Variants in DKK3 observed in about 807,000 individuals in gnomAD.
DKK3 encodes the protein dickkopf-related protein 3.
DKK3 carries 22 observed loss-of-function variants against 33.2 expected under a neutral mutation model. The ratio of observed to expected loss-of-function variants is 0.66; its 90% confidence interval spans 0.47 to 0.95. The LOEUF (loss-of-function observed/expected upper bound fraction) is 0.95, where lower values mean the gene tolerates loss of function less well. Among genes scored for constraint, DKK3 ranks in the 40% least tolerant of loss-of-function variants. The probability of loss-of-function intolerance (pLI) is 0.00; values close to 1 mark genes in which losing one functional copy is unlikely to be tolerated. For missense variants in DKK3, 398 were observed against 458.4 expected (o/e 0.87, Z 1.20); for synonymous variants, 194 against 188.8 (o/e 1.03, Z -0.23).
intron 3 of DKK3, among the ~76,000 whole-genome samples, chr11:11,981,395 C>T (rs150310032): frequency 3.3e-5 from 5 of 152,308 alleles, no homozygotes; most frequent in Non-Finnish European, 4.4e-5. Flanking sequence ...TCAGGCATTA[C>T]GGAGCAGAGA....
rs1314351111 is a variant in DKK3 at position 11,970,555 on chromosome 11, G to A, written c.436-2068C>T. On this transcript the variant is annotated intron_variant, in intron 3 of 6. Coordinates refer to ENST00000683431, the MANE Select transcript of DKK3 (RefSeq NM_001018057.2). ...ACCTGTGGGTATGTTATATTACATA[G>A]GAAGGGGAAATTAGAGGCAGAGGGA... Among the ~76,000 whole-genome samples, 4 of 152,202 alleles carry A rather than the reference G, an allele frequency of 2.6e-5. 1 individual carries two copies. In the South Asian group the frequency reaches 8.3e-4, roughly 32 times the overall value.
At chr11:11,976,598 G>A (rs1236217513) in intron 3 of DKK3, among the ~76,000 whole-genome samples, 5 of 152,208 alleles carry the variant, frequency 3.3e-5, no homozygotes, top group Non-Finnish European at 5.9e-5. Flanking sequence ...GGGCTGGGTC[G>A]GGGCCCCAGC....
chr11:11,967,173 A>G (rs1369939567), intron 4 of DKK3, 75 bp from the exon 5 acceptor site: 1 of 1,551,904 alleles, frequency 6.4e-7, no homozygotes, highest in Non-Finnish European at 8.7e-7. Flanking sequence ...GCCTGAAGAT[A>G]CCACAGATAG....
chr11:11,993,365 T>C (rs1009043798), intron 3 of DKK3, among the ~76,000 whole-genome samples: 1 of 151,646 alleles, frequency 6.6e-6, no homozygotes, highest in Non-Finnish European at 1.5e-5. Flanking sequence ...ATATTATATA[T>C]ACTGTTCTGC....
intron 3 of DKK3, among the ~76,000 whole-genome samples, chr11:11,970,025 C>G (rs186280328): frequency 6.6e-6 from 1 of 152,186 alleles, no homozygotes; most frequent in African/African-American, 2.4e-5. Flanking sequence ...AAATCACAGA[C>G]GCGCTTTGTC....
At chr11:11,989,051 T>A (rs572597545) in intron 3 of DKK3, among the ~76,000 whole-genome samples, 1 of 152,232 alleles carries the variant, frequency 6.6e-6, no homozygotes, top group South Asian at 2.1e-4. Flanking sequence ...CCTACAGTCA[T>A]GAAGACTGAA....
chr11:11,965,260 G>A (rs1564904859), intron 6 of DKK3, among the ~76,000 whole-genome samples: 1 of 152,156 alleles, frequency 6.6e-6, no homozygotes, highest in South Asian at 2.1e-4. Context: ...AGAGCCGTGG[G>A]GAATGGGAGT....
At chr11:12,002,053 A>C in intron 2 of DKK3, 3 of 373,800 alleles carry the variant, frequency 8.0e-6, no homozygotes, top group Non-Finnish European at 4.8e-6. Flanking sequence ...ATTCCTTTGC[A>C]ACTGGACTGG....
At chr11:12,007,403 G>T (rs535431420) in intron 1 of DKK3, among the ~76,000 whole-genome samples, 25 of 152,238 alleles carry the variant, frequency 1.6e-4, no homozygotes, top group African/African-American at 6.0e-4. Flanking sequence ...CAGCGCCCTC[G>T]TCTACCCACC....
chr11:11,970,337 T>C (rs955226982), intron 3 of DKK3, among the ~76,000 whole-genome samples: 1 of 152,138 alleles, frequency 6.6e-6, no homozygotes, highest in Non-Finnish European at 1.5e-5. Context: ...ACGGACAACT[T>C]AGAATAACAG....
rs1847649416 is a variant in DKK3 at position 11,968,383 on chromosome 11, T to A, written c.528+12A>T. On this transcript the variant is annotated intron_variant, in intron 4 of 6. Transcript: ENST00000683431. ...CCTGGTGCCACAGCCCCAGAGGCCC[T>A]GGCATACTCACCATCCTCTGGCCCC... 1 of 1,609,374 alleles carries A rather than the reference T, an allele frequency of 6.2e-7. No individual in the cohort carries two copies. The highest frequency in any genetic ancestry group is 1.1e-5 in the South Asian group (1 of 90,558).
chr11:11,992,906 G>A (rs1564919758), intron 3 of DKK3, among the ~76,000 whole-genome samples: 1 of 152,064 alleles, frequency 6.6e-6, no homozygotes, highest in South Asian at 2.1e-4. Flanking sequence ...AATAATCAAA[G>A]AAATATAAAC....
At chr11:12,006,378 A>G (rs1848536203) in intron 1 of DKK3, among the ~76,000 whole-genome samples, 1 of 152,144 alleles carries the variant, frequency 6.6e-6, no homozygotes, top group Non-Finnish European at 1.5e-5. Flanking sequence ...ACCTTACCCT[A>G]AGAGGTGGAC....
intron 3 of DKK3, among the ~76,000 whole-genome samples, chr11:11,988,780 C>A (rs1038909): frequency 0.64 from 97,975 of 152,086 alleles, 31,647 homozygotes; most frequent in East Asian, 0.81. Flanking sequence ...ACAATCTCCA[C>A]GATGCAGCCT....
At chr11:11,995,473 C>A (rs892139975) in intron 3 of DKK3, among the ~76,000 whole-genome samples, 4 of 152,090 alleles carry the variant, frequency 2.6e-5, no homozygotes, top group Non-Finnish European at 5.9e-5. Flanking sequence ...AGATACAAAC[C>A]AGCTCACTTT....
intron 2 of DKK3, among the ~76,000 whole-genome samples, chr11:12,000,355 T>C (rs1215120401): frequency 2.6e-5 from 4 of 152,052 alleles, no homozygotes; most frequent in Non-Finnish European, 5.9e-5. Context: ...TACAGGTGCG[T>C]GCCACCATGC....
chr11:11,968,241 C>T (rs573480225), intron 4 of DKK3, among the ~76,000 whole-genome samples, 154 bp downstream of exon 4: 71 of 152,272 alleles, frequency 4.7e-4, no homozygotes, highest in African/African-American at 1.6e-3. Context: ...TCCTTGTCCT[C>T]CAGGAGTCAG....
intron 3 of DKK3, among the ~76,000 whole-genome samples, chr11:11,973,488 A>G (rs979538024): frequency 1.3e-5 from 2 of 152,142 alleles, no homozygotes; most frequent in Admixed American, 1.3e-4. Flanking sequence ...ACCCTGCTGC[A>G]TGGACTTCAG....
In DKK3 at chr11:11,981,503, C is replaced by A. The variant is rs76693965; in HGVS notation, c.436-13016G>T. 1.9e-3 allele frequency among the ~76,000 whole-genome samples: 296 copies of A among 152,284 alleles called. 2 individuals are homozygous for A. Among genetic ancestry groups the A allele is most frequent in the African/African-American group, 6.7e-3 (278 of 41,522 alleles). On this transcript the variant is annotated intron_variant, in intron 3 of 6. Transcript: ENST00000683431. ...TACTGCTAAGTTTGGGTAACAGATG[C>A]CCAGAACACGGTGCATCCAAACTCA... is the stretch of plus-strand genomic sequence containing the variant.
Sources: gnomAD v4.1 joint callset for allele counts (sites outside exome capture counted in the v4.1 genomes callset) on GRCh38, gnomAD v4.1.1 for gene constraint, MANE v1.5 for transcripts, NCBI Gene and HGNC (gene_info 2026-07-23, HGNC 2026-07-21) for gene names.